Variants in CHCHD3 observed in about 807,000 individuals in gnomAD.
CHCHD3 encodes the protein MICOS complex subunit MIC19.
A neutral mutation model predicts 38.2 loss-of-function variants in CHCHD3; 20 were observed. That is an observed-to-expected ratio of 0.52 (90% CI 0.37 to 0.76). The LOEUF (loss-of-function observed/expected upper bound fraction) is 0.76, where lower values mean the gene tolerates loss of function less well. Ranked by LOEUF, CHCHD3 falls within the 30% of genes least tolerant of loss-of-function variation. CHCHD3 has a pLI of 0.00. For missense variants in CHCHD3, 245 were observed against 279.2 expected, an observed-to-expected ratio of 0.88 and a Z score of 0.87; for synonymous variants, 82 against 100.0, an observed-to-expected ratio of 0.82 and a Z score of 1.07.
At chr7:133,029,803 TAC>T (rs1813450589) in intron 2 of CHCHD3, among the ~76,000 whole-genome samples, 1 of 151,928 alleles carries the variant, frequency 6.6e-6, no homozygotes. Flanking sequence ...GAGAAAGAGA[TAC>T]AGATTACAGG....
At chr7:133,072,706 G>A in intron 1 of CHCHD3, among the ~76,000 whole-genome samples, 1 of 152,006 alleles carries the variant, frequency 6.6e-6, no homozygotes, top group East Asian at 1.9e-4. Flanking sequence ...GGGCGTGGTG[G>A]CGGGCGCCTG....
chr7:132,977,477 A>G (rs1811797494), intron 3 of CHCHD3, among the ~76,000 whole-genome samples: 1 of 152,220 alleles, frequency 6.6e-6, no homozygotes, highest in Non-Finnish European at 1.5e-5. Flanking sequence ...ATAACTGCTG[A>G]GGTTATCATA....
chr7:133,035,813 G>A lies in CHCHD3; in HGVS notation c.170-11186C>T. ...GGTTGGTTTGGCCAAAATGGAAGTG[G>A]GGTGGTGCGGAGAGCACGCGGATCT... is the stretch of plus-strand genomic sequence containing the variant. On this transcript the variant is annotated intron_variant, in intron 2 of 7. Transcript: ENST00000262570. The surrounding 1 kb of genome is among the most constrained non-coding windows in gnomAD (Gnocchi z 4.7). 1 of 1,613,108 alleles carries A rather than the reference G, an allele frequency of 6.2e-7. No homozygotes were observed. The highest frequency in any genetic ancestry group is 2.2e-5 in the East Asian group (1 of 44,870).
chr7:133,046,045 G>C (rs1813973536), intron 2 of CHCHD3, among the ~76,000 whole-genome samples: 1 of 152,142 alleles, frequency 6.6e-6, no homozygotes, highest in Admixed American at 6.5e-5. Flanking sequence ...AGCAGTGCAA[G>C]AACTAATACT....
rs751874659 is a variant in CHCHD3 at position 132,788,592 on chromosome 7, A to T, written c.661-2932T>A. ...AGATGGGTAATTTTTCAGCCAAATCATATCATGCTAAGAATGTTAGGCTCT... is the reference window on the plus strand; with the variant it reads ...AGATGGGTAATTTTTCAGCCAAATCTTATCATGCTAAGAATGTTAGGCTCT... On this transcript the variant is annotated intron_variant, in intron 7 of 7. Transcript: ENST00000262570. The surrounding 1 kb of genome is among the most constrained non-coding windows in gnomAD (Gnocchi z 4.0). 6.6e-6 allele frequency among the ~76,000 whole-genome samples: 1 copy of T among 152,248 alleles called. No individual in the cohort carries two copies. Among genetic ancestry groups the T allele is most frequent in the Non-Finnish European group, 1.5e-5 (1 of 68,034 alleles).
chr7:133,077,298 C>T (rs1288648553), intron 1 of CHCHD3, among the ~76,000 whole-genome samples: 1 of 152,156 alleles, frequency 6.6e-6, no homozygotes, highest in Non-Finnish European at 1.5e-5. Flanking sequence ...TCAACACTCC[C>T]AAGGGCTGAC....
chr7:132,846,529 T>G (rs984598077), intron 5 of CHCHD3, among the ~76,000 whole-genome samples: 8 of 152,270 alleles, frequency 5.3e-5, no homozygotes, highest in African/African-American at 1.9e-4. Flanking sequence ...AAGAAGAGAC[T>G]TTTATAACTT....
chr7:132,930,524 T>C (rs188788372), intron 4 of CHCHD3, among the ~76,000 whole-genome samples: 71 of 152,270 alleles, frequency 4.7e-4, no homozygotes, highest in African/African-American at 1.6e-3. Context: ...AATCTCATCA[T>C]TTGAATTCCC....
intron 3 of CHCHD3, among the ~76,000 whole-genome samples, chr7:132,976,096 C>T (rs944858480): frequency 1.1e-4 from 16 of 152,174 alleles, no homozygotes; most frequent in African/African-American, 3.6e-4. Context: ...GTGGATGTTA[C>T]AGCACAGCAG....
At chr7:132,821,920 G>A (rs970526478) in intron 6 of CHCHD3, among the ~76,000 whole-genome samples, 6 of 151,662 alleles carry the variant, frequency 4.0e-5, no homozygotes, top group Admixed American at 6.6e-5. Context: ...CCGCCACCGC[G>A]CCCGGCTAAT....
intron 6 of CHCHD3, among the ~76,000 whole-genome samples, chr7:132,836,278 C>T (rs1410060863): frequency 6.6e-6 from 1 of 152,066 alleles, no homozygotes; most frequent in East Asian, 1.9e-4. Context: ...CACCACCATG[C>T]CCAGCTAATT....
At chr7:132,844,446 A>C (rs1023370284) in intron 5 of CHCHD3, among the ~76,000 whole-genome samples, 3 of 152,232 alleles carry the variant, frequency 2.0e-5, no homozygotes, top group Non-Finnish European at 2.9e-5. Flanking sequence ...AATAAAAACT[A>C]TCTTCATTCA....
rs577390019 is a variant in CHCHD3, at chr7:132,907,865, A to G, written c.370-22120T>C. Among the ~76,000 whole-genome samples, 172 of 152,286 alleles carry G rather than the reference A, an allele frequency of 1.1e-3. 3 individuals are homozygous for G. The South Asian group carries it at 0.034, about 30-fold the overall frequency. On this transcript the variant is annotated intron_variant, in intron 4 of 7. Transcript: ENST00000262570. ...CTATGTTTCTACCAGCCCTTTCTAA[A>G]TATCTTCTAAAGGAAAGGTATAAAT...
At chr7:132,915,481 C>T (rs113264558) in intron 4 of CHCHD3, among the ~76,000 whole-genome samples, 2,819 of 152,284 alleles carry the variant, frequency 0.019, 100 homozygotes, top group African/African-American at 0.064. Flanking sequence ...ATCTATCCTT[C>T]CACTTACCAG....
intron 3 of CHCHD3, among the ~76,000 whole-genome samples, chr7:132,998,754 C>A (rs1812490012): frequency 6.6e-6 from 1 of 152,126 alleles, no homozygotes; most frequent in African/African-American, 2.4e-5. Context: ...GTCTCCACAT[C>A]TTCTACTAAG....
chr7:133,048,962 T>C (rs1814071837), intron 2 of CHCHD3, among the ~76,000 whole-genome samples: 1 of 152,240 alleles, frequency 6.6e-6, no homozygotes, highest in Admixed American at 6.5e-5. Context: ...GTACCAGGCA[T>C]CTGATATCTT....
rs529297947 is a variant in CHCHD3 at position 132,914,552 on chromosome 7, T to C, written c.370-28807A>G. Among the ~76,000 whole-genome samples, 305 of 152,330 alleles carry C rather than the reference T, an allele frequency of 2.0e-3. 2 individuals are homozygous for C. Among genetic ancestry groups the C allele is most frequent in the African/African-American group, 7.2e-3 (298 of 41,578 alleles). ...TAATAAGTATTGAACTTAAAAAGTG[T>C]GATCTAGTTTATTTGTTGTGGTAGA... On this transcript the variant is annotated intron_variant, in intron 4 of 7. Transcript: ENST00000262570.
intron 6 of CHCHD3, among the ~76,000 whole-genome samples, chr7:132,837,530 C>T (rs1807817404): frequency 6.6e-6 from 1 of 152,118 alleles, no homozygotes; most frequent in African/African-American, 2.4e-5. Context: ...TATTTTAATC[C>T]ACATTACAAT....
At chr7:132,900,346 T>G (rs564154852) in intron 4 of CHCHD3, among the ~76,000 whole-genome samples, 1 of 133,696 alleles carries the variant, frequency 7.5e-6, no homozygotes, top group African/African-American at 2.8e-5. Context: ...GGGAGAGAGA[T>G]AATTTCAGTA....
Sources: gnomAD v4.1 joint callset for allele counts (sites outside exome capture counted in the v4.1 genomes callset) on GRCh38, gnomAD v4.1.1 for gene constraint, Gnocchi (gnomAD v3.1) non-coding constraint, MANE v1.5 for transcripts, NCBI Gene and HGNC (gene_info 2026-07-23, HGNC 2026-07-21) for gene names.